The following PGM5 variants were observed in gnomAD, a reference collection of about 807,000 sequenced individuals.
PGM5 encodes phosphoglucomutase 5.
A neutral mutation model predicts 59.2 loss-of-function variants in PGM5; 23 were observed. That is an observed-to-expected ratio of 0.39 (90% CI 0.28 to 0.55). The LOEUF is 0.55. PGM5 is among the 20% of genes least tolerant of loss of function. The pLI, the probability that PGM5 is intolerant of heterozygous loss-of-function variation, is 0.66. For missense variants in PGM5, 574 were observed against 748.3 expected (o/e 0.77, Z 2.72); for synonymous variants, 214 against 286.0 (o/e 0.75, Z 2.54).
chr9:68,381,307 T>C (rs1413296279), intron 2 of PGM5, among the ~76,000 whole-genome samples: 3 of 138,744 alleles, frequency 2.2e-5, no homozygotes, highest in Non-Finnish European at 4.8e-5. Flanking sequence ...AGGAAAGGCA[T>C]TTTAGAAAGT....
At chr9:68,444,869 G>T (rs1433616483) in intron 6 of PGM5, among the ~76,000 whole-genome samples, 1 of 152,134 alleles carries the variant, frequency 6.6e-6, no homozygotes. Flanking sequence ...AAGGTGGTGG[G>T]TATTATGGCA....
chr9:68,477,353 A>G (rs1413106613), intron 7 of PGM5, among the ~76,000 whole-genome samples: 1 of 152,236 alleles, frequency 6.6e-6, no homozygotes, highest in Non-Finnish European at 1.5e-5. Context: ...TTAACATTTA[A>G]CACCATAAAT....
intron 6 of PGM5, among the ~76,000 whole-genome samples, chr9:68,416,199 A>G (rs1447872563): frequency 6.6e-6 from 1 of 152,250 alleles, no homozygotes; most frequent in African/African-American, 2.4e-5. Flanking sequence ...ATGAAATAGT[A>G]AGAGAAAAGT....
At chr9:68,480,531 T>C (rs891362544) in intron 8 of PGM5, among the ~76,000 whole-genome samples, 5 of 151,862 alleles carry the variant, frequency 3.3e-5, no homozygotes, top group African/African-American at 1.2e-4. Flanking sequence ...ATGGTGAAAC[T>C]CTGTCTCTAC....
At chr9:68,409,072 TC>T (rs1822874658) in intron 6 of PGM5, among the ~76,000 whole-genome samples, 1 of 152,190 alleles carries the variant, frequency 6.6e-6, no homozygotes, top group South Asian at 2.1e-4. Flanking sequence ...CTTTTTTGGT[TC>T]CATATGAACT....
intron 6 of PGM5, among the ~76,000 whole-genome samples, chr9:68,443,709 A>G (rs1287851128): frequency 6.6e-6 from 1 of 152,262 alleles, no homozygotes; most frequent in Non-Finnish European, 1.5e-5. Flanking sequence ...AAGCAAGAGC[A>G]GTAGAGAGTC....
chr9:68,491,718 G>A (rs1824393606), intron 9 of PGM5, among the ~76,000 whole-genome samples: 3 of 152,158 alleles, frequency 2.0e-5, no homozygotes, highest in Admixed American at 1.3e-4. Flanking sequence ...AATAAAATGG[G>A]AAGCTGGGTG....
At chr9:68,378,543 G>C (rs1473294437) in intron 2 of PGM5, among the ~76,000 whole-genome samples, 182 bp downstream of exon 2, 3 of 152,058 alleles carry the variant, frequency 2.0e-5, no homozygotes, top group Non-Finnish European at 4.4e-5. Context: ...AACCCATTTG[G>C]GTGGTCTCTT....
At chr9:68,480,676 G>A (rs1824182123) in intron 8 of PGM5, among the ~76,000 whole-genome samples, 1 of 151,026 alleles carries the variant, frequency 6.6e-6, no homozygotes, top group Non-Finnish European at 1.5e-5. Context: ...TACAGCCTGG[G>A]CAACAGAGTG....
At chr9:68,463,944 T>C (rs1823894971) in intron 6 of PGM5, among the ~76,000 whole-genome samples, 1 of 152,182 alleles carries the variant, frequency 6.6e-6, no homozygotes, top group South Asian at 2.1e-4. Context: ...ACGATGGGAT[T>C]GTATCTGGAT....
At chr9:68,524,136 T>A (rs928549999) in intron 10 of PGM5, among the ~76,000 whole-genome samples, 2 of 152,142 alleles carry the variant, frequency 1.3e-5, no homozygotes, top group Non-Finnish European at 2.9e-5. Context: ...AGGATTTATG[T>A]GGGCTAGGAT....
At chr9:68,472,887 C>T (rs1554686361) in intron 7 of PGM5, among the ~76,000 whole-genome samples, 1 of 152,222 alleles carries the variant, frequency 6.6e-6, no homozygotes, top group Non-Finnish European at 1.5e-5. Flanking sequence ...GTGTCCTTTG[C>T]TGCTGTCTGA....
chr9:68,453,495 C>A (rs1166051397), intron 6 of PGM5, among the ~76,000 whole-genome samples: 1 of 152,064 alleles, frequency 6.6e-6, no homozygotes, highest in African/African-American at 2.4e-5. Flanking sequence ...CACACCACCA[C>A]AGCTGGCTAA....
intron 10 of PGM5, among the ~76,000 whole-genome samples, chr9:68,502,761 C>A (rs1824598340): frequency 6.6e-6 from 1 of 152,192 alleles, no homozygotes; most frequent in Non-Finnish European, 1.5e-5. Flanking sequence ...ATGATCTCAG[C>A]TCACTGTAAC....
chr9:68,450,903 A>G (rs190702440), intron 6 of PGM5, among the ~76,000 whole-genome samples: 9 of 152,352 alleles, frequency 5.9e-5, no homozygotes, highest in Admixed American at 5.9e-4. Context: ...GAATTCTGGG[A>G]TGGAATGTTC....
intron 7 of PGM5, among the ~76,000 whole-genome samples, chr9:68,474,706 C>G (rs1281525300): frequency 1.3e-5 from 2 of 151,380 alleles, no homozygotes; most frequent in South Asian, 4.2e-4. Flanking sequence ...GGGCTTTGGG[C>G]TGGGCTAGGT....
intron 3 of PGM5, among the ~76,000 whole-genome samples, chr9:68,385,826 A>C (rs1822203842): frequency 6.6e-6 from 1 of 152,068 alleles, no homozygotes; most frequent in Non-Finnish European, 1.5e-5. Context: ...TAGTTGAATG[A>C]GTTTTCTAAA....
At chr9:68,378,697 A>G (rs1554678057) in intron 2 of PGM5, among the ~76,000 whole-genome samples, 1 of 152,206 alleles carries the variant, frequency 6.6e-6, no homozygotes, top group Non-Finnish European at 1.5e-5. Context: ...AACAAATCAA[A>G]GGCCTGAGAG....
At chr9:68,409,218 G>A (rs1472831109) in intron 6 of PGM5, among the ~76,000 whole-genome samples, 2 of 142,474 alleles carry the variant, frequency 1.4e-5, no homozygotes, top group African/African-American at 5.2e-5. Context: ...TAAAAAGTCA[G>A]GAAACAACAG....
Sources: allele counts gnomAD v4.1 joint callset (sites outside exome capture counted in the v4.1 genomes callset), GRCh38; gene constraint gnomAD v4.1.1; transcripts MANE v1.5; gene names NCBI Gene and HGNC (gene_info 2026-07-23, HGNC 2026-07-21).